The following ZFYVE27 variants were observed in gnomAD, a reference collection of about 807,000 sequenced individuals.
ZFYVE27 encodes the protein zinc finger FYVE-type containing 27, also known as protrudin.
Under a neutral mutation model 52.8 loss-of-function variants are expected in ZFYVE27, and 36 were observed. The observed-to-expected ratio is 0.68, with a 90% CI of 0.52 to 0.90. The LOEUF (loss-of-function observed/expected upper bound fraction) is 0.90. Among genes scored for constraint, ZFYVE27 ranks in the 40% least tolerant of loss-of-function variants. The pLI is 0.00. For synonymous variants in ZFYVE27, 223 were observed against 215.6 expected (o/e 1.03, Z -0.30); for missense variants, 450 against 527.2 (o/e 0.85, Z 1.43).
Position 97,746,028 on chromosome 10 carries a change from C to CAT in ZFYVE27, c.455+1136_455+1137dup, listed in dbSNP as rs398046319. On this transcript the variant is annotated intron_variant, in intron 4 of 12. Coordinates refer to ENST00000684270, the MANE Select transcript of ZFYVE27 (RefSeq NM_001385875.1). The stretch of plus-strand genomic sequence containing the variant: ...TGAAATAGTTTTATATATATATACA[C>CAT]ATATATATATATATATATATATATT... Among the ~76,000 whole-genome samples, 698 of 129,292 alleles carry CAT rather than the reference C, an allele frequency of 5.4e-3. 4 individuals are homozygous for CAT. The highest frequency in any genetic ancestry group is 0.022 in the East Asian group (102 of 4,618). The allele number at this position is 129,292 out of a possible 152,430, so 84.8% of individuals were successfully genotyped here. A position where few individuals can be genotyped will look rare whatever the true frequency, so the allele number is the denominator to read the frequency against.
intron 4 of ZFYVE27, 41 bp from the exon 5 acceptor site, chr10:97,748,228 G>A (rs765263188): frequency 6.2e-7 from 1 of 1,602,716 alleles, no homozygotes; most frequent in Non-Finnish European, 8.5e-7. Context: ...ACTTCCCAGG[G>A]CTTCTGTCCT....
intron 5 of ZFYVE27, among the ~76,000 whole-genome samples, 182 bp downstream of exon 5, chr10:97,748,546 A>T (rs2136151466): frequency 6.6e-6 from 1 of 152,250 alleles, no homozygotes; most frequent in South Asian, 2.1e-4. Context: ...TTTTGTTTAG[A>T]TGCTTGCTTT....
intron 2 of ZFYVE27, chr10:97,738,968 A>G (rs1018944754): frequency 5.6e-6 from 2 of 354,266 alleles, no homozygotes; most frequent in African/African-American, 4.0e-5. Context: ...CGCCTTCTAC[A>G]GCTTAGAGCA....
At chr10:97,743,239 CT>C in intron 3 of ZFYVE27, 75 bp downstream of exon 3, 2 of 1,511,250 alleles carry the variant, frequency 1.3e-6, no homozygotes, top group Non-Finnish European at 1.8e-6. Context: ...CAGCCCCACC[CT>C]ATGTGTGGGA....
Position 97,738,501 on chromosome 10 carries a change from G to T in ZFYVE27, c.24G>T (p.Gly8=), listed in dbSNP as rs963214655. 6.2e-7 allele frequency: 1 copy of T among 1,614,168 alleles called. No homozygotes were observed. Among genetic ancestry groups the T allele is most frequent in the African/African-American group, 1.3e-5 (1 of 75,038 alleles). Residue 8 remains glycine (G), a synonymous_variant, in exon 2 of 13, where the codon GGG becomes GGT. Transcript: ENST00000684270. MQTSERE[G]SGPELSPSVM... is the part of the protein sequence containing the mutation. ...GGATGCAGACATCAGAACGTGAGGGGAGTGGGCCGGAGCTGAGCCCCAGCG... is the reference window on the plus strand; with the variant it reads ...GGATGCAGACATCAGAACGTGAGGGTAGTGGGCCGGAGCTGAGCCCCAGCG...
intron 3 of ZFYVE27, among the ~76,000 whole-genome samples, chr10:97,744,284 G>A (rs556521947): frequency 5.9e-5 from 9 of 152,300 alleles, no homozygotes; most frequent in South Asian, 2.1e-4. Context: ...AGGCACAATC[G>A]TCTGCAGTGT....
intron 1 of ZFYVE27, 87 bp from the exon 2 acceptor site, chr10:97,738,390 T>C (rs773859713): frequency 5.2e-5 from 76 of 1,449,320 alleles, no homozygotes; most frequent in Non-Finnish European, 7.3e-5. Flanking sequence ...CTCACAGGTT[T>C]ACTGTTGGCA....
intron 4 of ZFYVE27, among the ~76,000 whole-genome samples, chr10:97,746,662 C>T (rs1185608138): frequency 6.6e-6 from 1 of 150,588 alleles, no homozygotes; most frequent in Non-Finnish European, 1.5e-5. Context: ...TCTTTTTCTT[C>T]TTTTATTAAT....
chr10:97,751,540 T>C, intron 8 of ZFYVE27, 78 bp downstream of exon 8: 5 of 1,447,364 alleles, frequency 3.5e-6, no homozygotes, highest in Middle Eastern at 1.8e-4. Flanking sequence ...TTGTTTTTGT[T>C]TTTTAATGTC....
rs774613524 is a variant in ZFYVE27, at chr10:97,752,997, T to C, written c.898-41T>C. 46 of 1,612,674 alleles carry C rather than the reference T, an allele frequency of 2.9e-5. No individual in the cohort carries two copies. The Admixed American group carries it at 6.9e-4, about 24-fold the overall frequency. ...GCCTCTGCACACGGGTCCTGCAGCC[T>C]TGCAAGAGGTGGGCAGGACTGGAAG... is the stretch of plus-strand genomic sequence containing the variant. On this transcript the variant is annotated intron_variant, in intron 9 of 12. Coordinates refer to ENST00000684270, the MANE Select transcript of ZFYVE27 (RefSeq NM_001385875.1).
intron 1 of ZFYVE27, 108 bp from the exon 2 acceptor site, chr10:97,738,369 A>T: frequency 8.1e-7 from 1 of 1,236,056 alleles, no homozygotes; most frequent in African/African-American, 1.5e-5. Flanking sequence ...TGAATAGTTC[A>T]CTTTCCCTTG....
intron 8 of ZFYVE27, among the ~76,000 whole-genome samples, chr10:97,751,679 A>T (rs1212935069): frequency 6.6e-6 from 1 of 152,178 alleles, no homozygotes; most frequent in Non-Finnish European, 1.5e-5. Flanking sequence ...TGGCTCTGGA[A>T]GTCTCCGGGT....
chr10:97,750,981 G>A (rs1361849251), intron 7 of ZFYVE27, among the ~76,000 whole-genome samples: 1 of 152,192 alleles, frequency 6.6e-6, no homozygotes, highest in Non-Finnish European at 1.5e-5. Flanking sequence ...GGGCTCAAGT[G>A]ATGTGCCTGC....
intron 2 of ZFYVE27, among the ~76,000 whole-genome samples, chr10:97,741,765 TAAAA>T (rs1181714012): frequency 6.6e-6 from 1 of 151,672 alleles, no homozygotes; most frequent in Non-Finnish European, 1.5e-5. Context: ...AGTATAATAA[TAAAA>T]AAAAGTAAAA....
At position 97,755,978 on chromosome 10, in the gene ZFYVE27, C is replaced by T. The variant is rs118005743; in HGVS notation, c.1043-1287C>T. ...GCTGAGCTGCTCTCAGCTCCCAGAG[C>T]CCTCCCTGGCTCCGGTCTGTGAGTG... On this transcript the variant is annotated intron_variant, in intron 10 of 12. Transcript: ENST00000684270. 2.3e-4 allele frequency among the ~76,000 whole-genome samples: 35 copies of T among 152,294 alleles called. No homozygotes were observed. In the East Asian group the frequency reaches 5.6e-3, roughly 24 times the overall value.
chr10:97,752,970 A>G, intron 9 of ZFYVE27, 68 bp from the exon 10 acceptor site: 2 of 1,612,612 alleles, frequency 1.2e-6, no homozygotes, highest in Non-Finnish European at 1.7e-6. Context: ...GCCGCGCAGG[A>G]TGCCTCTGCA....
At chr10:97,755,592 C>T (rs899353519) in intron 10 of ZFYVE27, among the ~76,000 whole-genome samples, 13 of 152,300 alleles carry the variant, frequency 8.5e-5, no homozygotes, top group East Asian at 3.9e-4. Context: ...CCTCATGACC[C>T]GGTCACCTCC....
In ZFYVE27 at chr10:97,748,285, G is replaced by A; in HGVS notation, c.472G>A (p.Ala158Thr). 1 of 1,614,032 alleles carries A rather than the reference G, an allele frequency of 6.2e-7. No individual in the cohort carries two copies. The highest frequency in any genetic ancestry group is 8.5e-7 in the Non-Finnish European group (1 of 1,180,028). Reference protein sequence around the residue: ...EVKSFLIQLEAFLSRLCCTCE... With the variant: ...EVKSFLIQLETFLSRLCCTCE... ...TGTCTGTAGCTTGATCCAGCTGGAG[G>A]CCTTCCTGAGCCGCCTGTGCTGCAC... The change falls in exon 5 of 13, where the codon GCC becomes ACC. Residue 158 changes from alanine (A) to threonine (T), a missense_variant. Ala to Thr is a moderately conservative substitution (Grantham distance 58). Transcript: ENST00000684270.
chr10:97,751,016 T>G (rs1185535358), intron 7 of ZFYVE27, among the ~76,000 whole-genome samples: 3 of 152,212 alleles, frequency 2.0e-5, no homozygotes, highest in Non-Finnish European at 4.4e-5. Context: ...GTGCTGGGAT[T>G]ACAGGCGTGA....
Sources: allele counts gnomAD v4.1 joint callset (sites outside exome capture counted in the v4.1 genomes callset), GRCh38; gene constraint gnomAD v4.1.1; transcripts MANE v1.5; gene names NCBI Gene and HGNC (gene_info 2026-07-23, HGNC 2026-07-21).